LTBP1: variants seen among roughly 807,000 people sequenced by gnomAD.
LTBP1 encodes latent-transforming growth factor beta-binding protein 1.
A neutral mutation model predicts 207.6 loss-of-function variants in LTBP1; 129 were observed. The observed-to-expected ratio is 0.62, with a 90% CI of 0.54 to 0.72. LTBP1 has a LOEUF of 0.72. Among genes scored for constraint, LTBP1 ranks in the 30% least tolerant of loss-of-function variants. The pLI is 0.00. For missense variants in LTBP1, 2,281 were observed against 2,217.2 expected (o/e 1.03, Z -0.58); for synonymous variants, 963 against 833.7 (o/e 1.16, Z -2.67).
chr2:32,986,424 T>G (rs1683581799), intron 2 of LTBP1, among the ~76,000 whole-genome samples: 1 of 152,136 alleles, frequency 6.6e-6, no homozygotes, highest in Non-Finnish European at 1.5e-5. Context: ...AAGAGGTTGT[T>G]TATTGGCAGG....
chr2:33,333,983 G>A (rs539013767), intron 24 of LTBP1, among the ~76,000 whole-genome samples: 7 of 152,232 alleles, frequency 4.6e-5, no homozygotes, highest in Admixed American at 2.0e-4. Flanking sequence ...ATATGGTACT[G>A]TAGAATCCAA....
At chr2:32,975,470 A>T (rs537667881) in intron 2 of LTBP1, among the ~76,000 whole-genome samples, 1 of 151,522 alleles carries the variant, frequency 6.6e-6, no homozygotes, top group Non-Finnish European at 1.5e-5. Flanking sequence ...ATATCCTTAA[A>T]TATATTTTTC....
At chr2:33,232,856 T>C (rs887265347) in intron 9 of LTBP1, among the ~76,000 whole-genome samples, 1 of 152,170 alleles carries the variant, frequency 6.6e-6, no homozygotes, top group Non-Finnish European at 1.5e-5. Flanking sequence ...ATAATGAGAC[T>C]ACTCGTGTGT....
chr2:33,233,737 A>G (rs1381947256), intron 9 of LTBP1, among the ~76,000 whole-genome samples: 1 of 152,148 alleles, frequency 6.6e-6, no homozygotes, highest in African/African-American at 2.4e-5. Context: ...TACTGTTTGC[A>G]TAAGAATGTG....
At chr2:33,081,746 G>T (rs753350347) in intron 3 of LTBP1, among the ~76,000 whole-genome samples, 1 of 152,104 alleles carries the variant, frequency 6.6e-6, no homozygotes, top group Admixed American at 6.5e-5. Flanking sequence ...CCCATATGTC[G>T]TGGGAGGGAC....
intron 23 of LTBP1, among the ~76,000 whole-genome samples, chr2:33,310,042 G>C (rs1351331637): frequency 6.6e-6 from 1 of 150,648 alleles, no homozygotes; most frequent in Non-Finnish European, 1.5e-5. Flanking sequence ...CCACCTCCCA[G>C]GTTCAAGCGA....
intron 3 of LTBP1, among the ~76,000 whole-genome samples, chr2:33,021,681 A>G (rs940395703): frequency 6.6e-6 from 1 of 152,232 alleles, no homozygotes; most frequent in African/African-American, 2.4e-5. Context: ...GAATTTCTCA[A>G]CCTCAGTAGC....
At chr2:33,004,694 G>A (rs957482683) in intron 2 of LTBP1, among the ~76,000 whole-genome samples, 2 of 149,348 alleles carry the variant, frequency 1.3e-5, no homozygotes, top group Admixed American at 1.3e-4. Context: ...AGAATCACTT[G>A]AATCTGGGAG....
At chr2:33,309,280 C>CAA (rs200196283) in intron 22 of LTBP1, among the ~76,000 whole-genome samples, 154 bp from the exon 23 acceptor site, 6 of 69,444 alleles carry the variant, frequency 8.6e-5, no homozygotes, top group Non-Finnish European at 1.2e-4. Flanking sequence ...GACTCCGTCT[C>CAA]AAAAAAAAAA....
intron 4 of LTBP1, among the ~76,000 whole-genome samples, chr2:33,115,037 T>TACACACACACACACAC (rs60544598): frequency 6.9e-6 from 1 of 145,150 alleles, no homozygotes; most frequent in Non-Finnish European, 1.5e-5. Context: ...AACAGATATA[T>TACACACACACACACAC]ACACACACAC....
intron 19 of LTBP1, among the ~76,000 whole-genome samples, chr2:33,285,093 G>C (rs185871617): frequency 6.7e-4 from 99 of 147,168 alleles, no homozygotes; most frequent in African/African-American, 2.3e-3. Context: ...CCAGGCTGGA[G>C]TGCAATGGCG....
intron 5 of LTBP1, among the ~76,000 whole-genome samples, chr2:33,169,396 G>C (rs1176095739): frequency 6.6e-6 from 1 of 152,160 alleles, no homozygotes; most frequent in Non-Finnish European, 1.5e-5. Flanking sequence ...AATAGGAAAG[G>C]AAGTTTTATT....
intron 24 of LTBP1, among the ~76,000 whole-genome samples, chr2:33,320,258 A>G (rs183168663): frequency 6.6e-6 from 1 of 152,008 alleles, no homozygotes; most frequent in East Asian, 1.9e-4. Flanking sequence ...AATTCCAGCT[A>G]CTCAGGAAGC....
intron 24 of LTBP1, among the ~76,000 whole-genome samples, chr2:33,329,630 C>G (rs1208466041): frequency 2.0e-5 from 3 of 151,966 alleles, no homozygotes; most frequent in African/African-American, 4.8e-5. Flanking sequence ...TAGGTCATCA[C>G]TGTTTATTGA....
chr2:33,051,824 C>A (rs1284698323), intron 3 of LTBP1, among the ~76,000 whole-genome samples: 1 of 152,154 alleles, frequency 6.6e-6, no homozygotes, highest in African/African-American at 2.4e-5. Context: ...AGGCTTACTA[C>A]CATCTAAGTC....
At position 33,251,664 on chromosome 2, in the gene LTBP1, CAA is replaced by C. The variant is rs537403994; in HGVS notation, c.2000-991_2000-990del. 4.5e-3 allele frequency among the ~76,000 whole-genome samples: 297 copies of C among 65,826 alleles called. 1 individual carries two copies. The highest frequency in any genetic ancestry group is 0.017 in the Middle Eastern group (2 of 116). The allele number at this position is 65,826 out of a possible 152,430, so 43.2% of individuals were successfully genotyped here. On this transcript the variant is annotated intron_variant, in intron 10 of 33. Coordinates refer to ENST00000404816, the MANE Select transcript of LTBP1 (RefSeq NM_206943.4). ...TCGGCAACAGAGTGAGACTCAGTCT[CAA>C]AAAAAAAAAAAAAAAAAAAAAGATG...
chr2:33,082,438 T>A (rs907656049), intron 3 of LTBP1, among the ~76,000 whole-genome samples: 3,666 of 14,344 alleles, frequency 0.26, 746 homozygotes, highest in East Asian at 0.66. Flanking sequence ...CTCACTTTTT[T>A]TTTTTTTTTT....
Position 33,123,052 on chromosome 2 carries a change from C to A in LTBP1, c.1034-11741C>A, listed in dbSNP as rs116419082. On this transcript the variant is annotated intron_variant, in intron 4 of 33. Transcript: ENST00000404816. ...CAGCTGCTCAACTTTTCCTCACTCT[C>A]TTTATAGCTTTTCCTCACTCCCTTT... Among the ~76,000 whole-genome samples, 865 of 152,200 alleles carry A rather than the reference C, an allele frequency of 5.7e-3. 14 individuals are homozygous for A. Among genetic ancestry groups the A allele is most frequent in the African/African-American group, 0.02 (832 of 41,558 alleles).
In LTBP1 at chr2:33,262,713, AC is replaced by A; in HGVS notation, c.2419-7del. 3 of 1,470,742 alleles carry A rather than the reference AC, an allele frequency of 2.0e-6. No homozygotes were observed. The highest frequency in any genetic ancestry group is 2.8e-6 in the Non-Finnish European group (3 of 1,065,000). 91.1% of individuals were successfully genotyped at this position (1,470,742 alleles called of 1,614,324 possible). A position where few individuals can be genotyped will look rare whatever the true frequency, so the allele number is the denominator to read the frequency against. On this transcript the variant is annotated splice_region_variant and splice_polypyrimidine_tract_variant and intron_variant, in intron 13 of 33. Transcript: ENST00000404816. ...TTTTCTTATTCTCTTTTAAAATACAACCATCCAGGAAATACCTTCATTGGAT... is the reference window on the plus strand; with the variant it reads ...TTTTCTTATTCTCTTTTAAAATACAACATCCAGGAAATACCTTCATTGGAT...
Sources: allele counts gnomAD v4.1 joint callset (sites outside exome capture counted in the v4.1 genomes callset), GRCh38; gene constraint gnomAD v4.1.1; transcripts MANE v1.5; gene names NCBI Gene and HGNC (gene_info 2026-07-23, HGNC 2026-07-21).